Variants in RBMS3 observed in about 807,000 individuals in gnomAD.
RBMS3 encodes RNA binding motif single stranded interacting protein 3.
Under a neutral mutation model 66.8 loss-of-function variants are expected in RBMS3, and 27 were observed. The ratio of observed to expected loss-of-function variants is 0.40; its 90% CI spans 0.30 to 0.56. RBMS3 has a LOEUF of 0.56. RBMS3 is among the 20% of genes least tolerant of loss of function. The pLI, the probability that RBMS3 is intolerant of heterozygous loss-of-function variation, is 0.40. For synonymous variants in RBMS3, 188 were observed against 183.0 expected (o/e 1.03, Z -0.22); for missense variants, 513 against 549.5 (o/e 0.93, Z 0.66).
At chr3:29,859,095 A>G (rs1412406795) in intron 6 of RBMS3, among the ~76,000 whole-genome samples, 1 of 152,088 alleles carries the variant, frequency 6.6e-6, no homozygotes, top group Non-Finnish European at 1.5e-5. Flanking sequence ...TTTTTTATTT[A>G]TTTCCTCTTT....
At chr3:29,636,365 G>T (rs868649013) in intron 4 of RBMS3, among the ~76,000 whole-genome samples, 24 of 151,818 alleles carry the variant, frequency 1.6e-4, no homozygotes, top group Admixed American at 4.6e-4. Flanking sequence ...AGTATCCTTT[G>T]AAGTTAATGA....
At chr3:29,537,477 T>C (rs2045604804) in intron 3 of RBMS3, 2 of 152,200 alleles carry the variant, frequency 1.3e-5, no homozygotes, top group Non-Finnish European at 2.9e-5. Context: ...GTGAAAGTTG[T>C]TTCAAAGAAC....
chr3:29,382,206 GT>G (rs1434714994), intron 1 of RBMS3, among the ~76,000 whole-genome samples: 2 of 152,064 alleles, frequency 1.3e-5, no homozygotes, highest in Non-Finnish European at 2.9e-5. Context: ...TAGTTCCCAT[GT>G]TGTCTTAGTC....
chr3:29,611,666 T>C (rs1205274868), intron 4 of RBMS3, among the ~76,000 whole-genome samples: 1 of 152,024 alleles, frequency 6.6e-6, no homozygotes, highest in East Asian at 1.9e-4. Context: ...TCCGTATTCA[T>C]AGACAATTTT....
intron 4 of RBMS3, chr3:29,698,440 T>C (rs2052379454): frequency 1.0e-6 from 1 of 985,308 alleles, no homozygotes; most frequent in African/African-American, 1.7e-5. Context: ...ATGAAAGTGG[T>C]AAATGGAGAA....
chr3:29,565,846 T>C (rs2046723322), intron 3 of RBMS3, among the ~76,000 whole-genome samples: 1 of 152,204 alleles, frequency 6.6e-6, no homozygotes, highest in Non-Finnish European at 1.5e-5. Flanking sequence ...TTTTGCCCTT[T>C]TGTGCCAAAG....
chr3:29,873,629 T>A (rs1184563259), intron 7 of RBMS3, among the ~76,000 whole-genome samples: 1 of 152,176 alleles, frequency 6.6e-6, no homozygotes, highest in Non-Finnish European at 1.5e-5. Flanking sequence ...CTGTGTTGAA[T>A]AGAAGTGTTG....
At chr3:29,816,625 C>G (rs1559701957) in intron 6 of RBMS3, among the ~76,000 whole-genome samples, 1 of 152,056 alleles carries the variant, frequency 6.6e-6, no homozygotes, top group East Asian at 1.9e-4. Flanking sequence ...CTTAGAAACC[C>G]TTTAATATAA....
intron 3 of RBMS3, among the ~76,000 whole-genome samples, chr3:29,574,558 A>G (rs373545879): frequency 1.3e-5 from 2 of 152,226 alleles, no homozygotes; most frequent in African/African-American, 2.4e-5. Flanking sequence ...TTTACAATCA[A>G]TGTTATTATT....
chr3:29,407,181 G>T (rs1031367566), intron 1 of RBMS3, among the ~76,000 whole-genome samples: 2 of 152,174 alleles, frequency 1.3e-5, no homozygotes, highest in African/African-American at 4.8e-5. Flanking sequence ...CTGCACACTT[G>T]CTCACTGCCA....
At chr3:29,922,138 A>G (rs2060798666) in intron 10 of RBMS3, among the ~76,000 whole-genome samples, 1 of 152,238 alleles carries the variant, frequency 6.6e-6, no homozygotes, top group South Asian at 2.1e-4. Flanking sequence ...AACTTACTCT[A>G]TTATAGCTTG....
At chr3:29,710,005 CATTCGTAACTTTCTTGTGAAATGGAA>C (rs1433520254) in intron 4 of RBMS3, among the ~76,000 whole-genome samples, 6 of 152,144 alleles carry the variant, frequency 3.9e-5, no homozygotes, top group African/African-American at 1.2e-4. Flanking sequence ...TTTCAGATGA[CATTCGTAACTTTCTTGTGAAATGGAA>C]ATTAATCAAA....
intron 4 of RBMS3, chr3:29,730,951 T>C: frequency 2.0e-6 from 2 of 985,214 alleles, no homozygotes; most frequent in Non-Finnish European, 2.4e-6. Context: ...GAGGTGTATA[T>C]GGAGGGAGAA....
chr3:29,792,403 C>A (rs1431649838), intron 6 of RBMS3, among the ~76,000 whole-genome samples: 1 of 152,132 alleles, frequency 6.6e-6, no homozygotes, highest in East Asian at 1.9e-4. Flanking sequence ...AAATGCAGGG[C>A]CCTTCATTCT....
intron 4 of RBMS3, among the ~76,000 whole-genome samples, chr3:29,666,877 G>A (rs1479098775): frequency 5.9e-5 from 9 of 151,998 alleles, no homozygotes; most frequent in Admixed American, 3.3e-4. Flanking sequence ...CAATTTGTTA[G>A]CTTTGAAGTT....
chr3:29,377,279 T>C (rs566876376), intron 1 of RBMS3, among the ~76,000 whole-genome samples: 1 of 152,240 alleles, frequency 6.6e-6, no homozygotes, highest in South Asian at 2.1e-4. Flanking sequence ...AACCACTGGT[T>C]GTCAGATGTG....
chr3:29,357,292 C>T lies in RBMS3; in HGVS notation c.75+75536C>T, dbSNP rs1187702302. 5.3e-5 allele frequency among the ~76,000 whole-genome samples: 8 copies of T among 151,842 alleles called. No homozygotes were observed. The South Asian group carries it at 1.7e-3, about 32-fold the overall frequency. On this transcript the variant is annotated intron_variant, in intron 1 of 14. Transcript: ENST00000383767. ...CAATTCCCACCTATGAGTGAGAACA[C>T]GCGGTGTTTGGTTTTTTGTCCTTGT... is the stretch of plus-strand genomic sequence containing the variant.
At chr3:29,974,158 C>G (rs1170120221) in intron 12 of RBMS3, among the ~76,000 whole-genome samples, 1 of 151,920 alleles carries the variant, frequency 6.6e-6, no homozygotes, top group Non-Finnish European at 1.5e-5. Context: ...GTTACCTCAA[C>G]ACTTCCTAGA....
intron 3 of RBMS3, among the ~76,000 whole-genome samples, chr3:29,489,855 C>T (rs1200952699): frequency 6.6e-6 from 1 of 151,060 alleles, no homozygotes; most frequent in African/African-American, 2.4e-5. Flanking sequence ...CCAGCCTGGC[C>T]AACATGGTGA....
Sources: gnomAD v4.1 joint callset for allele counts (sites outside exome capture counted in the v4.1 genomes callset) on GRCh38, gnomAD v4.1.1 for gene constraint, MANE v1.5 for transcripts, NCBI Gene and HGNC (gene_info 2026-07-23, HGNC 2026-07-21) for gene names.